The following SCFD2 variants were observed in gnomAD, a reference collection of about 807,000 sequenced individuals.
The protein encoded by SCFD2 is sec1 family domain containing 2, also known as sec1 family domain-containing protein 2.
SCFD2 carries 54 observed loss-of-function variants against 58.9 expected under a neutral mutation model. The ratio of observed to expected loss-of-function variants is 0.92; its 90% CI spans 0.74 to 1.15. The LOEUF (loss-of-function observed/expected upper bound fraction) is 1.15. Ranked by LOEUF, SCFD2 falls within the 50% of genes most tolerant of loss-of-function variation. The pLI is 0.00. For synonymous variants in SCFD2, 321 were observed against 335.9 expected (o/e 0.96, Z 0.49); for missense variants, 805 against 836.6 (o/e 0.96, Z 0.47).
intron 2 of SCFD2, among the ~76,000 whole-genome samples, chr4:53,345,289 T>C (rs192519038): frequency 0.014 from 2,086 of 152,258 alleles, 43 homozygotes; most frequent in African/African-American, 0.047. Flanking sequence ...GGGCAACGGA[T>C]ATGAACAGAC....
intron 5 of SCFD2, among the ~76,000 whole-genome samples, chr4:53,025,669 AAAAG>A (rs1722455507): frequency 1.3e-5 from 2 of 152,246 alleles, no homozygotes; most frequent in Admixed American, 1.3e-4. Flanking sequence ...TTGAGTTAAA[AAAAG>A]AGATTTTGAA....
At chr4:53,339,231 G>C (rs1733783944) in intron 2 of SCFD2, among the ~76,000 whole-genome samples, 1 of 152,036 alleles carries the variant, frequency 6.6e-6, no homozygotes, top group Non-Finnish European at 1.5e-5. Context: ...GTATGGGAGA[G>C]TAAAGGGAAG....
At chr4:53,227,461 C>T (rs1054514965) in intron 4 of SCFD2, among the ~76,000 whole-genome samples, 17 of 152,226 alleles carry the variant, frequency 1.1e-4, no homozygotes, top group East Asian at 3.9e-4. Flanking sequence ...GTAAAGATGA[C>T]GCTAAAGTTC....
intron 5 of SCFD2, among the ~76,000 whole-genome samples, chr4:53,144,804 G>A (rs1382699579): frequency 6.6e-6 from 1 of 152,094 alleles, no homozygotes; most frequent in Non-Finnish European, 1.5e-5. Context: ...GAGAGGCCAT[G>A]TCACTACCAT....
intron 5 of SCFD2, among the ~76,000 whole-genome samples, chr4:53,025,057 T>C (rs1722440157): frequency 6.6e-6 from 1 of 152,138 alleles, no homozygotes; most frequent in Non-Finnish European, 1.5e-5. Flanking sequence ...ACGGCCCCTC[T>C]GTGTGGCTCT....
intron 4 of SCFD2, among the ~76,000 whole-genome samples, chr4:53,248,876 G>A (rs1393278968): frequency 2.6e-5 from 4 of 152,172 alleles, no homozygotes; most frequent in Non-Finnish European, 5.9e-5. Flanking sequence ...AGAAAAACTC[G>A]AAATTCTAAA....
At chr4:53,041,155 A>G (rs1357621311) in intron 5 of SCFD2, among the ~76,000 whole-genome samples, 2 of 152,180 alleles carry the variant, frequency 1.3e-5, no homozygotes, top group East Asian at 3.8e-4. Flanking sequence ...TTGGGTCAAT[A>G]ATATGCTAAT....
chr4:52,900,796 G>C (rs1018760768), intron 7 of SCFD2, among the ~76,000 whole-genome samples: 2 of 152,214 alleles, frequency 1.3e-5, no homozygotes, highest in Non-Finnish European at 2.9e-5. Context: ...CTCCCAGTTC[G>C]AGCTTCCCTG....
intron 4 of SCFD2, among the ~76,000 whole-genome samples, chr4:53,158,462 G>A (rs1293223397): frequency 6.6e-6 from 1 of 152,042 alleles, no homozygotes; most frequent in Non-Finnish European, 1.5e-5. Context: ...ATCCTGTACT[G>A]TTGTGTGGTA....
At chr4:53,010,939 T>C (rs1172559488) in intron 5 of SCFD2, among the ~76,000 whole-genome samples, 4 of 152,256 alleles carry the variant, frequency 2.6e-5, no homozygotes. Context: ...ATTCATGCCT[T>C]AAAAGACCAA....
At chr4:53,130,823 G>A (rs955694473) in intron 5 of SCFD2, among the ~76,000 whole-genome samples, 2 of 152,140 alleles carry the variant, frequency 1.3e-5, no homozygotes, top group Non-Finnish European at 2.9e-5. Flanking sequence ...GGATGAGGTC[G>A]ATAACTAAAA....
intron 5 of SCFD2, among the ~76,000 whole-genome samples, chr4:52,965,170 G>C (rs570052516): frequency 6.6e-6 from 1 of 152,262 alleles, no homozygotes; most frequent in Non-Finnish European, 1.5e-5. Flanking sequence ...TCTGCATTCT[G>C]TTGCACATAT....
intron 5 of SCFD2, among the ~76,000 whole-genome samples, chr4:53,068,892 C>T (rs1236941256): frequency 4.6e-5 from 7 of 151,996 alleles, no homozygotes; most frequent in African/African-American, 7.2e-5. Context: ...TAACTTTAGA[C>T]GGATGTGCAC....
intron 5 of SCFD2, among the ~76,000 whole-genome samples, chr4:52,947,983 A>G (rs1720482943): frequency 1.3e-5 from 2 of 151,126 alleles, no homozygotes; most frequent in South Asian, 4.2e-4. Context: ...AAAAAAAAAA[A>G]AAAAAAGCAG....
At chr4:53,320,672 T>C (rs1338141332) in intron 2 of SCFD2, among the ~76,000 whole-genome samples, 3 of 152,164 alleles carry the variant, frequency 2.0e-5, no homozygotes, top group Non-Finnish European at 4.4e-5. Context: ...GTCCTCAAAC[T>C]TCACATGCAC....
At chr4:53,228,649 C>G (rs1729312291) in intron 4 of SCFD2, among the ~76,000 whole-genome samples, 2 of 152,032 alleles carry the variant, frequency 1.3e-5, no homozygotes, top group South Asian at 4.1e-4. Context: ...TTATGACAAA[C>G]CCACAGCCAA....
chr4:52,925,008 A>G (rs1319072419), intron 5 of SCFD2, among the ~76,000 whole-genome samples: 1 of 152,196 alleles, frequency 6.6e-6, no homozygotes, highest in African/African-American at 2.4e-5. Flanking sequence ...TGCTCACACT[A>G]TGCTAGAAAC....
At chr4:52,898,575 A>C (rs1719091095) in intron 7 of SCFD2, among the ~76,000 whole-genome samples, 1 of 152,176 alleles carries the variant, frequency 6.6e-6, no homozygotes, top group Non-Finnish European at 1.5e-5. Flanking sequence ...ACTTCCAACT[A>C]TGTGGTCAAT....
chr4:52,942,694 C>T (rs1444210259), intron 5 of SCFD2, among the ~76,000 whole-genome samples: 4 of 152,064 alleles, frequency 2.6e-5, no homozygotes, highest in South Asian at 2.1e-4. Flanking sequence ...GTTACCTTTA[C>T]GTAGCACTCT....
Sources: allele counts gnomAD v4.1 joint callset (sites outside exome capture counted in the v4.1 genomes callset), GRCh38; gene constraint gnomAD v4.1.1; transcripts MANE v1.5; gene names NCBI Gene and HGNC (gene_info 2026-07-23, HGNC 2026-07-21).